The following CDK14 variants were observed in gnomAD, a reference collection of about 807,000 sequenced individuals.
CDK14 encodes cyclin dependent kinase 14.
In CDK14, 34 loss-of-function variants were observed where a neutral mutation model predicts 60.7. The ratio of observed to expected loss-of-function variants is 0.56; its 90% confidence interval spans 0.43 to 0.75. The LOEUF (loss-of-function observed/expected upper bound fraction) is 0.75. Among genes scored for constraint, CDK14 ranks in the 30% least tolerant of loss-of-function variants. The probability of loss-of-function intolerance (pLI) is 0.00; values close to 1 mark genes in which losing one functional copy is unlikely to be tolerated. For synonymous variants in CDK14, 197 were observed against 203.7 expected, an observed-to-expected ratio of 0.97 and a Z score of 0.28; for missense variants, 482 against 564.1, an observed-to-expected ratio of 0.85 and a Z score of 1.47.
chr7:90,742,477 T>C (rs1471539884), intron 3 of CDK14, among the ~76,000 whole-genome samples: 1 of 152,056 alleles, frequency 6.6e-6, no homozygotes, highest in Non-Finnish European at 1.5e-5. Flanking sequence ...AATGAGACTT[T>C]CCAGATAATT....
At chr7:90,884,196 G>C (rs1288761936) in intron 6 of CDK14, among the ~76,000 whole-genome samples, 4 of 152,130 alleles carry the variant, frequency 2.6e-5, no homozygotes, top group African/African-American at 4.8e-5. Context: ...AATCATCTGA[G>C]CCCAAAAACT....
chr7:90,701,941 T>C (rs983038040), intron 2 of CDK14, among the ~76,000 whole-genome samples: 1 of 152,138 alleles, frequency 6.6e-6, no homozygotes, highest in African/African-American at 2.4e-5. Context: ...ACACTGCCAC[T>C]GGCTGCCTCT....
intron 3 of CDK14, among the ~76,000 whole-genome samples, chr7:90,743,642 G>A (rs916261696): frequency 2.0e-5 from 3 of 151,644 alleles, no homozygotes; most frequent in Admixed American, 1.3e-4. Context: ...ACCAACAATT[G>A]TTTGATACAT....
At chr7:91,035,544 C>A (rs990810003) in intron 10 of CDK14, among the ~76,000 whole-genome samples, 4 of 152,020 alleles carry the variant, frequency 2.6e-5, no homozygotes, top group African/African-American at 9.7e-5. Context: ...TTCCAGTCAG[C>A]CCAATGGGAC....
At chr7:90,948,334 T>C (rs1339848825) in intron 8 of CDK14, among the ~76,000 whole-genome samples, 3 of 152,248 alleles carry the variant, frequency 2.0e-5, no homozygotes, top group African/African-American at 7.2e-5. Context: ...ACATATACTC[T>C]ATTGAAAATG....
chr7:90,603,088 C>CAG (rs1276444731), intron 1 of CDK14, among the ~76,000 whole-genome samples: 1 of 152,036 alleles, frequency 6.6e-6, no homozygotes, highest in Admixed American at 6.6e-5. Context: ...TGCTTCTATC[C>CAG]AGACTAAATC....
intron 5 of CDK14, among the ~76,000 whole-genome samples, chr7:90,810,622 T>C (rs974191102): frequency 7.2e-5 from 11 of 152,060 alleles, no homozygotes; most frequent in African/African-American, 2.4e-5. Context: ...CCAGGGCAAT[T>C]AGGCAGGAGA....
At chr7:91,006,338 T>G (rs1208904) in intron 10 of CDK14, among the ~76,000 whole-genome samples, 1 of 152,240 alleles carries the variant, frequency 6.6e-6, no homozygotes, top group African/African-American at 2.4e-5. Context: ...GGCTGCATTT[T>G]TTCAGAAACC....
intron 8 of CDK14, among the ~76,000 whole-genome samples, chr7:90,940,313 A>T (rs1448845864): frequency 6.6e-6 from 1 of 152,094 alleles, no homozygotes; most frequent in African/African-American, 2.4e-5. Flanking sequence ...TGTCTTTTCC[A>T]TTAACAATAT....
intron 6 of CDK14, among the ~76,000 whole-genome samples, chr7:90,873,033 T>C (rs906180158): frequency 6.6e-6 from 1 of 152,176 alleles, no homozygotes; most frequent in Non-Finnish European, 1.5e-5. Flanking sequence ...AAAGTATATA[T>C]TTCTCATGTT....
intron 14 of CDK14, among the ~76,000 whole-genome samples, chr7:91,120,350 G>A (rs1799743287): frequency 6.6e-6 from 1 of 152,082 alleles, no homozygotes; most frequent in Non-Finnish European, 1.5e-5. Context: ...TTTAAAAGGT[G>A]CTCAGAACTA....
chr7:90,837,290 TC>T lies in CDK14; in HGVS notation c.545-25884del, dbSNP rs1180737751. ...AAATAATATTTCTTTCTTTCTTTTT[TC>T]TTTTTTTTTTTTTTGAGATGGAGTC... On this transcript the variant is annotated intron_variant, in intron 5 of 14. Transcript: ENST00000380050. Among the ~76,000 whole-genome samples the T allele has an allele frequency of 2.0e-5, 3 of 151,056 alleles. No individual in the cohort carries two copies. In the East Asian group the frequency reaches 5.8e-4, roughly 29 times the overall value.
At chr7:90,794,244 G>A (rs1039209659) in intron 5 of CDK14, among the ~76,000 whole-genome samples, 2 of 152,162 alleles carry the variant, frequency 1.3e-5, no homozygotes, top group Non-Finnish European at 2.9e-5. Flanking sequence ...GGCAGGGCGA[G>A]ATCACAGGAC....
At chr7:91,084,967 GA>G (rs1402772458) in intron 12 of CDK14, among the ~76,000 whole-genome samples, 1 of 152,194 alleles carries the variant, frequency 6.6e-6, no homozygotes, top group Non-Finnish European at 1.5e-5. Context: ...CTGAAAGGAG[GA>G]GATGGAATTA....
chr7:90,620,681 G>A (rs1186058376), intron 2 of CDK14, among the ~76,000 whole-genome samples: 3 of 152,148 alleles, frequency 2.0e-5, no homozygotes, highest in Non-Finnish European at 4.4e-5. Flanking sequence ...ATAGAGCTGG[G>A]CTGTGCCTCT....
intron 5 of CDK14, among the ~76,000 whole-genome samples, chr7:90,814,282 C>G (rs1411635745): frequency 1.3e-5 from 2 of 152,108 alleles, no homozygotes; most frequent in African/African-American, 4.8e-5. Context: ...TGAGTAAGTA[C>G]TCTTACAGTC....
At chr7:91,079,216 A>G (rs982204023) in intron 11 of CDK14, among the ~76,000 whole-genome samples, 1 of 152,222 alleles carries the variant, frequency 6.6e-6, no homozygotes, top group Admixed American at 6.5e-5. Flanking sequence ...GAAATAAACC[A>G]TCTTAGACTA....
chr7:90,891,524 G>A (rs1792125005), intron 6 of CDK14, among the ~76,000 whole-genome samples: 2 of 152,158 alleles, frequency 1.3e-5, no homozygotes, highest in Non-Finnish European at 2.9e-5. Context: ...TTTCATTTGT[G>A]TGTATGTTAT....
chr7:90,842,211 G>T (rs1243825521), intron 5 of CDK14, among the ~76,000 whole-genome samples: 1 of 152,106 alleles, frequency 6.6e-6, no homozygotes, highest in Non-Finnish European at 1.5e-5. Context: ...CTTACAAGAT[G>T]CTATTTTGAT....
Sources: gnomAD v4.1 joint callset for allele counts (sites outside exome capture counted in the v4.1 genomes callset) on GRCh38, gnomAD v4.1.1 for gene constraint, MANE v1.5 for transcripts, NCBI Gene and HGNC (gene_info 2026-07-23, HGNC 2026-07-21) for gene names.